The following KCNJ5 variants were observed in gnomAD, a reference collection of about 807,000 sequenced individuals.
KCNJ5 encodes the protein potassium inwardly rectifying channel subfamily J member 5.
Under a neutral mutation model 20.2 loss-of-function variants are expected in KCNJ5, and 12 were observed. The observed-to-expected ratio is 0.59, with a 90% CI of 0.38 to 0.96. The LOEUF (loss-of-function observed/expected upper bound fraction) is 0.96, where lower values mean the gene tolerates loss of function less well. Ranked by LOEUF, KCNJ5 falls within the 40% of genes least tolerant of loss-of-function variation. The probability of loss-of-function intolerance (pLI) is 0.00; values close to 1 mark genes in which losing one functional copy is unlikely to be tolerated. For synonymous variants in KCNJ5, 210 were observed against 213.9 expected (o/e 0.98, Z 0.16); for missense variants, 449 against 557.6 (o/e 0.81, Z 1.96).
In KCNJ5 at chr11:128,891,439, C is replaced by CAGAAAGAGAGAGAGAG; in HGVS notation, c.-292_-291insGAAAGAGAGAGAGAGA. On this transcript the variant is annotated 5_prime_UTR_variant, in exon 1 of 3. Coordinates refer to ENST00000529694, the MANE Select transcript of KCNJ5 (RefSeq NM_000890.5). ...ACACACACACACACACACACACACA[C>CAGAAAGAGAGAGAGAG]ACAGAGAGAGAGAGAGAGAGAGAGA... 1 of 68,774 alleles carries CAGAAAGAGAGAGAGAG rather than the reference C, an allele frequency of 1.5e-5. No individual in the cohort carries two copies. Among genetic ancestry groups the CAGAAAGAGAGAGAGAG allele is most frequent in the African/African-American group, 6.6e-5 (1 of 15,180 alleles). The allele number at this position is 68,774 out of a possible 1,614,324, so 4.3% of individuals were successfully genotyped here.
chr11:128,898,890 C>T (rs953134007), intron 1 of KCNJ5, among the ~76,000 whole-genome samples: 10 of 152,244 alleles, frequency 6.6e-5, no homozygotes, highest in Non-Finnish European at 7.4e-5. Flanking sequence ...ATGTTCGCTA[C>T]GCTGTTCTCG....
rs1305792469 is a variant in KCNJ5 at position 128,912,023 on chromosome 11, C to G, written c.750C>G (p.Ile250Met). 5 of 1,611,534 alleles carry G rather than the reference C, an allele frequency of 3.1e-6. No homozygotes were observed. Among genetic ancestry groups the G allele is most frequent in the South Asian group, 1.1e-5 (1 of 90,998 alleles). The change falls in exon 2 of 3, where the codon ATC becomes ATG. Residue 250 changes from isoleucine to methionine, a missense_variant. By Grantham distance (10) the Ile-to-Met change is conservative (BLOSUM62 1). Coordinates refer to ENST00000529694, the MANE Select transcript of KCNJ5 (RefSeq NM_000890.5). ...GGCAGACCAAAGAGGGGGAGTTCAT[C>G]CCCCTGAACCAGACAGACATCAACG... Reference protein sequence around the residue: ...KSRQTKEGEFIPLNQTDINVG... With the variant: ...KSRQTKEGEFMPLNQTDINVG...
At chr11:128,895,391 C>CCCCG (rs1944160585) in intron 1 of KCNJ5, among the ~76,000 whole-genome samples, 1 of 149,726 alleles carries the variant, frequency 6.7e-6, no homozygotes, top group African/African-American at 2.4e-5. Flanking sequence ...CACCCCCCCC[C>CCCCG]CAACCCCAGG....
At chr11:128,909,827 G>A (rs967827676) in intron 1 of KCNJ5, 1 of 152,246 alleles carries the variant, frequency 6.6e-6, no homozygotes, top group Admixed American at 6.5e-5. Context: ...TTGAAAGATA[G>A]TATCCCTAAG....
intron 2 of KCNJ5, among the ~76,000 whole-genome samples, chr11:128,914,776 C>A (rs769663379): frequency 6.6e-6 from 1 of 152,252 alleles, no homozygotes; most frequent in East Asian, 1.9e-4. Context: ...ACACCAGGAT[C>A]TCTAGCTACA....
At chr11:128,892,618 T>C (rs1944112384) in intron 1 of KCNJ5, among the ~76,000 whole-genome samples, 1 of 152,224 alleles carries the variant, frequency 6.6e-6, no homozygotes. Context: ...TCATCCTCAT[T>C]CTACAGGTGA....
chr11:128,895,967 G>A (rs917705654), intron 1 of KCNJ5, among the ~76,000 whole-genome samples: 6 of 152,102 alleles, frequency 3.9e-5, no homozygotes, highest in African/African-American at 9.7e-5. Flanking sequence ...GCTGTCCCAG[G>A]GCACCTGCCC....
chr11:128,912,616 T>C (rs1015360803), intron 2 of KCNJ5, among the ~76,000 whole-genome samples: 4 of 152,186 alleles, frequency 2.6e-5, no homozygotes, highest in Non-Finnish European at 5.9e-5. Context: ...ATTCAAGCGA[T>C]TCTCCTGCCC....
In KCNJ5 at chr11:128,911,080, G is replaced by A. The variant is rs1944488873; in HGVS notation, c.-10-184G>A. 1 of 615,430 alleles carries A rather than the reference G, an allele frequency of 1.6e-6. No homozygotes were observed. Among genetic ancestry groups the A allele is most frequent in the Non-Finnish European group, 2.9e-6 (1 of 346,778 alleles). 38.1% of individuals were successfully genotyped at this position (615,430 alleles called of 1,614,324 possible). A position where few individuals can be genotyped will look rare whatever the true frequency, so the allele number is the denominator to read the frequency against. ...CTATTTTGTGCTAGACTCTGTACTA[G>A]GCACCAGGGATACAAAAGAACCCTA... On this transcript the variant is annotated intron_variant, in intron 1 of 2. Transcript: ENST00000529694. The surrounding 1 kb of genome is among the most constrained non-coding windows in gnomAD (Gnocchi z 6.3).
At position 128,911,357 on chromosome 11, in the gene KCNJ5, G is replaced by A; in HGVS notation, c.84G>A (p.Gln28=). The change falls in exon 2 of 3, where the codon CAG becomes CAA. Residue 28 remains glutamine (Q), a synonymous_variant. Coordinates refer to ENST00000529694, the MANE Select transcript of KCNJ5 (RefSeq NM_000890.5). This position sits in a 1 kb window ranked among gnomAD's most constrained non-coding sequence, Gnocchi z 6.3. ...TPWDPKKIPK[Q]ARDYVPIATD... is the part of the protein sequence containing the mutation. ...GGGACCCCAAGAAGATTCCAAAACA[G>A]GCCCGCGATTATGTCCCCATTGCCA... 1 of 1,614,196 alleles carries A rather than the reference G, an allele frequency of 6.2e-7. No individual in the cohort carries two copies. Among genetic ancestry groups the A allele is most frequent in the Non-Finnish European group, 8.5e-7 (1 of 1,180,038 alleles).
rs775308956 is a variant in KCNJ5 at position 128,911,017 on chromosome 11, T to C, written c.-10-247T>C. On this transcript the variant is annotated intron_variant, in intron 1 of 2. Coordinates refer to ENST00000529694, the MANE Select transcript of KCNJ5 (RefSeq NM_000890.5). The surrounding 1 kb of genome is among the most constrained non-coding windows in gnomAD (Gnocchi z 6.3). ...TTAATGTGTAGTTTGCACCTAGATA[T>C]TGTTCATTTATTCATTCAACAAACA... Among the ~76,000 whole-genome samples the C allele has an allele frequency of 2.6e-5, 4 of 152,234 alleles. No homozygotes were observed. Among genetic ancestry groups the C allele is most frequent in the Non-Finnish European group, 5.9e-5 (4 of 68,042 alleles).
chr11:128,894,052 G>A (rs1309475102), intron 1 of KCNJ5, among the ~76,000 whole-genome samples: 1 of 152,226 alleles, frequency 6.6e-6, no homozygotes, highest in East Asian at 1.9e-4. Flanking sequence ...GGGAAGAAAC[G>A]ACTAGAATGC....
At chr11:128,912,283 A>C (rs1369077957) in intron 2 of KCNJ5, 73 bp downstream of exon 2, 2 of 1,199,956 alleles carry the variant, frequency 1.7e-6, no homozygotes, top group Non-Finnish European at 2.4e-6. Flanking sequence ...GTGACTCCAG[A>C]AGATGCAGGT....
intron 2 of KCNJ5, among the ~76,000 whole-genome samples, chr11:128,915,586 T>C (rs936270131): frequency 6.6e-6 from 1 of 152,176 alleles, no homozygotes; most frequent in Non-Finnish European, 1.5e-5. Context: ...CCAACATCTA[T>C]TCACTCCAAT....
intron 1 of KCNJ5, chr11:128,901,412 C>T (rs1193263776): frequency 6.6e-6 from 1 of 152,350 alleles, no homozygotes; most frequent in East Asian, 1.9e-4. Flanking sequence ...ACTTCACTTC[C>T]AGAGCTGTTC....
intron 1 of KCNJ5, chr11:128,904,738 G>A: frequency 1.8e-6 from 1 of 570,720 alleles, no homozygotes; most frequent in Non-Finnish European, 3.1e-6. Context: ...CACCCAGTGG[G>A]TGTTGAGTGG....
chr11:128,917,793 C>CACCTT lies in KCNJ5; in HGVS notation c.*1062_*1063insACCTT, dbSNP rs1944608790. On this transcript the variant is annotated 3_prime_UTR_variant, in exon 3 of 3. Coordinates refer to ENST00000529694, the MANE Select transcript of KCNJ5 (RefSeq NM_000890.5). ...CATCTGGGCCAGGCAAGATGGCTCACGCCTGTGATCCCAGCATTTTGGGAG... is the reference window on the plus strand; with the variant it reads ...CATCTGGGCCAGGCAAGATGGCTCACACCTTGCCTGTGATCCCAGCATTTTGGGAG... 1 of 152,448 alleles carries CACCTT rather than the reference C, an allele frequency of 6.6e-6. No individual in the cohort carries two copies. Among genetic ancestry groups the CACCTT allele is most frequent in the South Asian group, 2.1e-4 (1 of 4,832 alleles). 9.4% of individuals were successfully genotyped at this position (152,448 alleles called of 1,614,324 possible).
intron 2 of KCNJ5, among the ~76,000 whole-genome samples, chr11:128,913,813 C>T (rs1944537194): frequency 6.6e-6 from 1 of 152,220 alleles, no homozygotes; most frequent in Admixed American, 6.5e-5. Context: ...GAGCTTCTCT[C>T]ACCACTCTGC....
chr11:128,904,513 G>C, intron 1 of KCNJ5: 2 of 1,528,942 alleles, frequency 1.3e-6, no homozygotes, highest in Non-Finnish European at 1.8e-6. Context: ...CGTGCGTCCA[G>C]GGCGGAGAGG....
Sources: allele counts gnomAD v4.1 joint callset (sites outside exome capture counted in the v4.1 genomes callset), GRCh38; gene constraint gnomAD v4.1.1; non-coding constraint Gnocchi (gnomAD v3.1); transcripts MANE v1.5; gene names NCBI Gene and HGNC (gene_info 2026-07-23, HGNC 2026-07-21).